The following MEI4 variants were observed in gnomAD, a reference collection of about 807,000 sequenced individuals.
MEI4 encodes the protein meiotic double-stranded break formation protein 4.
Under a neutral mutation model 31.4 loss-of-function variants are expected in MEI4, and 27 were observed. The ratio of observed to expected loss-of-function variants is 0.86; its 90% CI spans 0.63 to 1.19. MEI4 has a LOEUF of 1.19. Among genes scored for constraint, MEI4 ranks in the 50% most tolerant of loss-of-function variants. The pLI, the probability that MEI4 is intolerant of heterozygous loss-of-function variation, is 0.00. For synonymous variants in MEI4, 122 were observed against 145.4 expected (o/e 0.84, Z 1.16); for missense variants, 329 against 398.9 (o/e 0.82, Z 1.49).
At chr6:77,798,783 A>T (rs1381897789) in intron 3 of MEI4, among the ~76,000 whole-genome samples, 2 of 151,528 alleles carry the variant, frequency 1.3e-5, no homozygotes, top group East Asian at 3.9e-4. Flanking sequence ...GAGAATGATG[A>T]CTTCCAATTT....
rs143431839 is a variant in MEI4, at chr6:77,801,987, C to T, written c.769-26944C>T. On this transcript the variant is annotated intron_variant, in intron 3 of 4. Transcript: ENST00000684080. ...GAGTTCTGTAGATGTGTATTAGGTC[C>T]GCTTGGTGAAGAGCTGAGTTCAGTT... is the stretch of plus-strand genomic sequence containing the variant. Among the ~76,000 whole-genome samples, 234 of 152,120 alleles carry T rather than the reference C, an allele frequency of 1.5e-3. 1 individual carries two copies. Among genetic ancestry groups the T allele is most frequent in the African/African-American group, 4.5e-3 (188 of 41,516 alleles).
At chr6:77,708,866 C>T (rs1766391671) in intron 2 of MEI4, among the ~76,000 whole-genome samples, 1 of 152,148 alleles carries the variant, frequency 6.6e-6, no homozygotes, top group African/African-American at 2.4e-5. Flanking sequence ...AAGCAGATGC[C>T]AGCACTGTGT....
At chr6:77,705,258 C>T (rs1387654094) in intron 2 of MEI4, among the ~76,000 whole-genome samples, 1 of 152,128 alleles carries the variant, frequency 6.6e-6, no homozygotes, top group Non-Finnish European at 1.5e-5. Flanking sequence ...TTCAGTGTAT[C>T]ATACACTGGA....
At chr6:77,733,486 T>A (rs4706655) in intron 2 of MEI4, among the ~76,000 whole-genome samples, 2 of 151,840 alleles carry the variant, frequency 1.3e-5, no homozygotes, top group Non-Finnish European at 2.9e-5. Flanking sequence ...CCGTTTATCA[T>A]TTTTTATTGT....
At chr6:77,730,980 GTAT>G (rs1766971725) in intron 2 of MEI4, among the ~76,000 whole-genome samples, 1 of 151,704 alleles carries the variant, frequency 6.6e-6, no homozygotes, top group South Asian at 2.1e-4. Flanking sequence ...TGGCTGCATA[GTAT>G]TCCATGGTGT....
chr6:77,798,900 C>G (rs1468152481), intron 3 of MEI4, among the ~76,000 whole-genome samples: 3 of 151,694 alleles, frequency 2.0e-5, no homozygotes, highest in African/African-American at 2.4e-5. Context: ...CATTGTTGGA[C>G]ATTTGGCTTG....
intron 2 of MEI4, among the ~76,000 whole-genome samples, chr6:77,756,644 T>C (rs1767926456): frequency 6.6e-6 from 1 of 151,428 alleles, no homozygotes; most frequent in African/African-American, 2.4e-5. Flanking sequence ...TCTCTCTTTC[T>C]CTCCCTCTTT....
At chr6:77,773,782 T>C (rs906810559) in intron 3 of MEI4, among the ~76,000 whole-genome samples, 25 of 152,036 alleles carry the variant, frequency 1.6e-4, no homozygotes, top group African/African-American at 5.8e-4. Context: ...AAGGGACTAA[T>C]AACTAGACTA....
At chr6:77,705,677 T>G (rs1766315290) in intron 2 of MEI4, among the ~76,000 whole-genome samples, 1 of 152,144 alleles carries the variant, frequency 6.6e-6, no homozygotes, top group Admixed American at 6.5e-5. Flanking sequence ...TTACTGTGAT[T>G]TGGGTGGTAG....
chr6:77,688,250 A>C (rs891167065), intron 1 of MEI4, among the ~76,000 whole-genome samples: 6 of 152,140 alleles, frequency 3.9e-5, no homozygotes, highest in Non-Finnish European at 8.8e-5. Context: ...ACACATTTAC[A>C]CACACAAACA....
chr6:77,920,583 A>G (rs1766680175), intron 4 of MEI4, among the ~76,000 whole-genome samples: 1 of 151,922 alleles, frequency 6.6e-6, no homozygotes, highest in African/African-American at 2.4e-5. Flanking sequence ...AATGACATCT[A>G]GAATGGTGAA....
intron 4 of MEI4, among the ~76,000 whole-genome samples, chr6:77,854,887 G>A (rs1426945455): frequency 7.0e-6 from 1 of 143,750 alleles, no homozygotes. Flanking sequence ...AGAAACTGGT[G>A]CCTGAACTAA....
At chr6:77,795,946 A>T (rs1344726374) in intron 3 of MEI4, among the ~76,000 whole-genome samples, 1 of 152,216 alleles carries the variant, frequency 6.6e-6, no homozygotes, top group Non-Finnish European at 1.5e-5. Flanking sequence ...AGACAAGGAC[A>T]GTACAAGAAA....
At chr6:77,863,133 A>G (rs1562016345) in intron 4 of MEI4, among the ~76,000 whole-genome samples, 1 of 152,192 alleles carries the variant, frequency 6.6e-6, no homozygotes, top group Admixed American at 6.5e-5. Flanking sequence ...AAAGATGGGG[A>G]AAAAACAGAG....
At chr6:77,792,073 C>T (rs571584595) in intron 3 of MEI4, among the ~76,000 whole-genome samples, 9 of 152,208 alleles carry the variant, frequency 5.9e-5, no homozygotes, top group African/African-American at 1.9e-4. Context: ...GTTATTTCAC[C>T]TAATGTAATG....
At chr6:77,831,428 C>T (rs774885036) in intron 4 of MEI4, among the ~76,000 whole-genome samples, 18 of 151,310 alleles carry the variant, frequency 1.2e-4, no homozygotes, top group Middle Eastern at 3.4e-3. Flanking sequence ...GGAGAGATAC[C>T]GGCACTCACA....
chr6:77,783,849 G>A (rs902805475), intron 3 of MEI4, among the ~76,000 whole-genome samples: 1 of 152,026 alleles, frequency 6.6e-6, no homozygotes, highest in African/African-American at 2.4e-5. Context: ...ATTTGTGTAT[G>A]TCCACTTATC....
chr6:77,785,874 A>G (rs934738593), intron 3 of MEI4, among the ~76,000 whole-genome samples: 13 of 152,134 alleles, frequency 8.5e-5, no homozygotes, highest in African/African-American at 3.1e-4. Context: ...CAGAGTCCCT[A>G]ATCCTCACTA....
At chr6:77,871,469 C>T (rs980204866) in intron 4 of MEI4, among the ~76,000 whole-genome samples, 3 of 152,154 alleles carry the variant, frequency 2.0e-5, no homozygotes, top group African/African-American at 7.2e-5. Context: ...ACCACATGTT[C>T]TCATTTATAA....
Sources: gnomAD v4.1 joint callset for allele counts (sites outside exome capture counted in the v4.1 genomes callset) on GRCh38, gnomAD v4.1.1 for gene constraint, MANE v1.5 for transcripts, NCBI Gene and HGNC (gene_info 2026-07-23, HGNC 2026-07-21) for gene names.